The following CNST variants were observed in gnomAD, a reference collection of about 807,000 sequenced individuals.
CNST encodes consortin.
In CNST, 39 loss-of-function variants were observed where a neutral mutation model predicts 72.4. The observed-to-expected ratio is 0.54, with a 90% CI of 0.42 to 0.70. The LOEUF (loss-of-function observed/expected upper bound fraction) is 0.70, where lower values mean the gene tolerates loss of function less well. CNST is among the 30% of genes least tolerant of loss of function. CNST has a pLI of 0.00. For synonymous variants in CNST, 332 were observed against 320.1 expected (o/e 1.04, Z -0.40); for missense variants, 871 against 868.5 (o/e 1.00, Z -0.04).
intron 10 of CNST, 79 bp from the exon 11 acceptor site, chr1:246,665,621 C>T (rs1667356376): frequency 5.9e-6 from 7 of 1,179,514 alleles, no homozygotes; most frequent in Non-Finnish European, 8.8e-6. Flanking sequence ...GTGTAGTTAT[C>T]TTAATTAGTG....
chr1:246,658,283 T>C (rs1323646036), intron 9 of CNST, among the ~76,000 whole-genome samples: 1 of 152,214 alleles, frequency 6.6e-6, no homozygotes, highest in Non-Finnish European at 1.5e-5. Context: ...CCTCTCAGTG[T>C]CAGCAAGGTG....
chr1:246,660,577 T>C (rs575331437), intron 10 of CNST, among the ~76,000 whole-genome samples: 1 of 152,010 alleles, frequency 6.6e-6, no homozygotes, highest in African/African-American at 2.4e-5. Flanking sequence ...ATTAGAAAAA[T>C]TAGCGAGTGT....
At chr1:246,644,776 G>C (rs1254013681) in intron 8 of CNST, among the ~76,000 whole-genome samples, 1 of 152,228 alleles carries the variant, frequency 6.6e-6, no homozygotes, top group African/African-American at 2.4e-5. Flanking sequence ...TTTAGTCTCT[G>C]AGTCCTGTGG....
chr1:246,661,050 A>T (rs764811359), intron 10 of CNST, among the ~76,000 whole-genome samples: 3 of 151,708 alleles, frequency 2.0e-5, no homozygotes, highest in African/African-American at 4.8e-5. Context: ...TGCAACCTCA[A>T]CCTCCACCTC....
chr1:246,603,489 T>C (rs765927497), intron 2 of CNST, among the ~76,000 whole-genome samples: 1 of 152,106 alleles, frequency 6.6e-6, no homozygotes, highest in Non-Finnish European at 1.5e-5. Context: ...CAATTAAGAG[T>C]TTTTTGTTGT....
intron 6 of CNST, 75 bp downstream of exon 6, chr1:246,634,662 T>G (rs992913007): frequency 1.0e-5 from 8 of 778,800 alleles, no homozygotes; most frequent in Non-Finnish European, 1.7e-5. Context: ...GAGTATCCAT[T>G]TCTTTGTTTT....
chr1:246,591,015 TA>T (rs1256117888), intron 1 of CNST, among the ~76,000 whole-genome samples: 9 of 152,050 alleles, frequency 5.9e-5, no homozygotes, highest in Admixed American at 1.3e-4. Context: ...TATTTTTTTT[TA>T]AAATCTTCAA....
intron 2 of CNST, among the ~76,000 whole-genome samples, chr1:246,599,387 G>A (rs2103036215): frequency 6.6e-6 from 1 of 152,250 alleles, no homozygotes; most frequent in Non-Finnish European, 1.5e-5. Context: ...GATGCTCCCT[G>A]GGAGAATCTG....
At chr1:246,648,212 A>G (rs1184772833) in intron 9 of CNST, 175 bp downstream of exon 9, 1 of 1,394,086 alleles carries the variant, frequency 7.2e-7, no homozygotes, top group Non-Finnish European at 9.3e-7. Context: ...ATTGAATAAA[A>G]TGACTTTTAA....
chr1:246,595,361 A>G (rs776351443), intron 2 of CNST, among the ~76,000 whole-genome samples: 2 of 152,132 alleles, frequency 1.3e-5, no homozygotes, highest in Non-Finnish European at 2.9e-5. Flanking sequence ...CGGTCTGAGT[A>G]ATGTTATCTC....
Position 246,647,574 on chromosome 1 carries a change from A to G in CNST, c.1373A>G (p.Lys458Arg). The G allele has an allele frequency of 6.2e-7, 1 of 1,614,192 alleles. No homozygotes were observed. Among genetic ancestry groups the G allele is most frequent in the Non-Finnish European group, 8.5e-7 (1 of 1,180,022 alleles). ...GGTAAATATTCACAGGCTCAGAGGA[A>G]AGAACTCCGTTTGCCACTTCGGGAT... is the stretch of plus-strand genomic sequence containing the variant. Reference protein sequence around the residue: ...SEGKYSQAQRKELRLPLRDAS... With the variant: ...SEGKYSQAQRRELRLPLRDAS... The change falls in exon 9 of 11, where the codon AAA becomes AGA. Residue 458 changes from lysine to arginine, a missense_variant. By Grantham distance (26) the Lys-to-Arg change is conservative. Coordinates refer to ENST00000366513, the MANE Select transcript of CNST (RefSeq NM_152609.3).
At chr1:246,574,164 C>T (rs1183898955) in intron 1 of CNST, among the ~76,000 whole-genome samples, 1 of 152,194 alleles carries the variant, frequency 6.6e-6, no homozygotes, top group Admixed American at 6.5e-5. Context: ...GCCTCAGCCT[C>T]CGGAGTGGCT....
At position 246,648,051 on chromosome 1, in the gene CNST, G is replaced by A. The variant is rs1666225304; in HGVS notation, c.1836+14G>A. On this transcript the variant is annotated intron_variant, in intron 9 of 10. Transcript: ENST00000366513. ...GAGATTGCAGAGGTAAATCAGAGAT[G>A]AAGTACAATTAAAAGTAAAATGGCA... 6.3e-7 allele frequency: 1 copy of A among 1,580,044 alleles called. No homozygotes were observed. Among genetic ancestry groups the A allele is most frequent in the Non-Finnish European group, 8.6e-7 (1 of 1,165,930 alleles).
At chr1:246,589,941 C>T (rs12078349) in intron 1 of CNST, among the ~76,000 whole-genome samples, 2,207 of 152,216 alleles carry the variant, frequency 0.014, 58 homozygotes, top group African/African-American at 0.049. Context: ...TCATATCCTT[C>T]GCCCACTTTT....
intron 2 of CNST, among the ~76,000 whole-genome samples, chr1:246,619,848 T>C (rs1161720935): frequency 1.3e-5 from 2 of 148,740 alleles, no homozygotes; most frequent in African/African-American, 5.0e-5. Flanking sequence ...ACGGCTTCAG[T>C]CATGGTGCAT....
intron 5 of CNST, 80 bp downstream of exon 5, chr1:246,634,090 G>T: frequency 1.1e-6 from 1 of 915,378 alleles, no homozygotes; most frequent in Middle Eastern, 2.2e-4. Context: ...TATTTGACCT[G>T]GTTTTATAAA....
At chr1:246,634,446 AG>A (rs1665005238) in intron 5 of CNST, 26 bp from the exon 6 acceptor site, 1 of 1,350,336 alleles carries the variant, frequency 7.4e-7, no homozygotes, top group Non-Finnish European at 1.0e-6. Flanking sequence ...TATAAGAGCC[AG>A]TGACTAACAA....
intron 8 of CNST, among the ~76,000 whole-genome samples, chr1:246,644,166 C>T (rs1001813620): frequency 2.6e-5 from 4 of 151,980 alleles, no homozygotes; most frequent in African/African-American, 9.7e-5. Context: ...TTTGGGAGGC[C>T]GAGGCGGGCG....
chr1:246,643,066 A>G (rs1006920533), intron 8 of CNST, among the ~76,000 whole-genome samples: 1 of 151,008 alleles, frequency 6.6e-6, no homozygotes, highest in Non-Finnish European at 1.5e-5. Context: ...ATTTTTAAAA[A>G]TTTTTGTGGG....
Sources: allele counts gnomAD v4.1 joint callset (sites outside exome capture counted in the v4.1 genomes callset), GRCh38; gene constraint gnomAD v4.1.1; transcripts MANE v1.5; gene names NCBI Gene and HGNC (gene_info 2026-07-23, HGNC 2026-07-21).